Variants in HCRTR2 observed in about 807,000 individuals in gnomAD.
The protein encoded by HCRTR2 is orexin receptor type 2.
HCRTR2 carries 22 observed loss-of-function variants against 49.0 expected under a neutral mutation model. That is an observed-to-expected ratio of 0.45 (90% confidence interval 0.32 to 0.64). HCRTR2 has a LOEUF of 0.64. Among genes scored for constraint, HCRTR2 ranks in the 30% least tolerant of loss-of-function variants. HCRTR2 has a pLI of 0.04. For synonymous variants in HCRTR2, 236 were observed against 205.3 expected (o/e 1.15, Z -1.28); for missense variants, 491 against 559.4 (o/e 0.88, Z 1.23).
Position 55,132,883 on chromosome 6 carries a change from G to A in HCRTR2, c.-378+26338G>A, listed in dbSNP as rs367872942. Reference sequence around the variant, plus strand: ...TTTGGGGAAAATAATCAACCAAACAGTTTTTTACATAGACACCAGAGACCC... The same window carrying A: ...TTTGGGGAAAATAATCAACCAAACAATTTTTTACATAGACACCAGAGACCC... On this transcript the variant is annotated intron_variant, in intron 1 of 7. Transcript: ENST00000615358. Among the ~76,000 whole-genome samples the A allele has an allele frequency of 3.6e-3, 546 of 151,630 alleles. 3 individuals are homozygous for A. The highest frequency in any genetic ancestry group is 5.1e-3 in the Non-Finnish European group (346 of 67,742).
chr6:55,193,913 T>C (rs1001907114), intron 1 of HCRTR2, among the ~76,000 whole-genome samples: 2 of 152,128 alleles, frequency 1.3e-5, no homozygotes, highest in African/African-American at 2.4e-5. Flanking sequence ...TATTATCATG[T>C]CAGCAATGAA....
chr6:55,251,333 C>G (rs1386319592), intron 2 of HCRTR2, among the ~76,000 whole-genome samples: 3 of 151,874 alleles, frequency 2.0e-5, no homozygotes, highest in Non-Finnish European at 4.4e-5. Flanking sequence ...GGCAAATGCA[C>G]AAAAATCTCA....
chr6:55,144,411 A>G lies in HCRTR2; in HGVS notation c.-377-29800A>G, dbSNP rs548303202. Among the ~76,000 whole-genome samples, 38 of 151,780 alleles carry G rather than the reference A, an allele frequency of 2.5e-4. No individual in the cohort carries two copies. In the South Asian group the frequency reaches 7.5e-3, roughly 30 times the overall value. On this transcript the variant is annotated intron_variant, in intron 1 of 7. Coordinates refer to the HCRTR2 transcript ENST00000615358. ...GATCTGTTCTGCCTTTTCACCTTCC[A>G]CCATGACAGCTCTTTCTCTGTCTTC...
chr6:55,110,242 C>T (rs1163162642), intron 1 of HCRTR2, among the ~76,000 whole-genome samples: 2 of 152,048 alleles, frequency 1.3e-5, no homozygotes, highest in African/African-American at 2.4e-5. Flanking sequence ...ACACAAACCT[C>T]AAAATGCACC....
chr6:55,170,169 T>A (rs1311820078), upstream of HCRTR2, among the ~76,000 whole-genome samples: 1 of 151,504 alleles, frequency 6.6e-6, no homozygotes. Context: ...AACAGAATTA[T>A]TCTGAATGTT....
intron 1 of HCRTR2, among the ~76,000 whole-genome samples, chr6:55,197,597 T>C (rs1262058324): frequency 6.6e-6 from 1 of 152,078 alleles, no homozygotes; most frequent in Non-Finnish European, 1.5e-5. Context: ...GGCTGCTACT[T>C]ACCATAACCC....
intron 1 of HCRTR2, among the ~76,000 whole-genome samples, chr6:55,245,261 T>C (rs777445727): frequency 6.6e-6 from 1 of 151,234 alleles, no homozygotes; most frequent in Admixed American, 6.6e-5. Context: ...TTCAAATGTA[T>C]CCAGTTGTCC....
chr6:55,183,962 CTG>C (rs1420572637), intron 1 of HCRTR2, among the ~76,000 whole-genome samples: 1 of 152,046 alleles, frequency 6.6e-6, no homozygotes, highest in African/African-American at 2.4e-5. Context: ...AAGTCTCACT[CTG>C]TTGCCCAGGC....
At position 55,174,629 on chromosome 6, in the gene HCRTR2, C is replaced by T. The variant is rs752319446; in HGVS notation, c.42C>T (p.Asn14=). ...TGGAGGACTCCCCCCCTTGTCGCAA[C>T]TGGTCATCTGCTTCGGAGCTGAATG... The part of the protein sequence containing the change: ...TKLEDSPPCR[N]WSSASELNET... Residue 14 remains asparagine (N), a synonymous_variant, in exon 1 of 7, where the codon AAC becomes AAT. Coordinates refer to ENST00000370862, the MANE Select transcript of HCRTR2 (RefSeq NM_001384272.1). 4 of 1,614,096 alleles carry T rather than the reference C, an allele frequency of 2.5e-6. No homozygotes were observed. The highest frequency in any genetic ancestry group is 3.4e-6 in the Non-Finnish European group (4 of 1,180,016).
At chr6:55,272,942 G>A (rs1767002559) in intron 4 of HCRTR2, among the ~76,000 whole-genome samples, 1 of 150,892 alleles carries the variant, frequency 6.6e-6, no homozygotes, top group South Asian at 2.1e-4. Flanking sequence ...AGGGGCAGGA[G>A]GCATAGTGAG....
chr6:55,271,052 G>C (rs183634414), intron 4 of HCRTR2, among the ~76,000 whole-genome samples: 130 of 152,196 alleles, frequency 8.5e-4, no homozygotes, highest in Admixed American at 1.1e-3. Context: ...TTGACAAACT[G>C]ATCCTAATAT....
chr6:55,117,242 T>C (rs968769375), intron 1 of HCRTR2, among the ~76,000 whole-genome samples: 1 of 151,854 alleles, frequency 6.6e-6, no homozygotes, highest in East Asian at 1.9e-4. Flanking sequence ...TCAAATACCT[T>C]GCTATATTAG....
At chr6:55,172,142 G>A (rs1030194259), upstream of HCRTR2, among the ~76,000 whole-genome samples, 26 of 152,316 alleles carry the variant, frequency 1.7e-4, no homozygotes, top group Admixed American at 5.2e-4. Flanking sequence ...AATGGCTAAT[G>A]TTTTGGATAA....
At chr6:55,122,591 G>T (rs1240824423) in intron 1 of HCRTR2, among the ~76,000 whole-genome samples, 2 of 151,932 alleles carry the variant, frequency 1.3e-5, no homozygotes, top group Non-Finnish European at 2.9e-5. Flanking sequence ...GCTTTCTCTT[G>T]TGGGCATTTA....
intron 4 of HCRTR2, among the ~76,000 whole-genome samples, chr6:55,275,561 T>A (rs1284361791): frequency 1.3e-5 from 2 of 152,106 alleles, no homozygotes; most frequent in Non-Finnish European, 2.9e-5. Flanking sequence ...ACTACATTTT[T>A]TTTTTCCCGA....
rs1764433270 is a variant in HCRTR2, at chr6:55,136,348, AAACT to A, written c.-378+29810_-378+29813del. 2.0e-5 allele frequency among the ~76,000 whole-genome samples: 3 copies of A among 152,292 alleles called. No individual in the cohort carries two copies. In the South Asian group the frequency reaches 6.2e-4, roughly 32 times the overall value. The stretch of plus-strand genomic sequence containing the variant: ...CGCAGTATGATTATAATAATGAGTC[AAACT>A]AACTAATGAAAAATGGCATCCTGTT... On this transcript the variant is annotated intron_variant, in intron 1 of 7. Transcript: ENST00000615358.
rs41403545 is a variant in HCRTR2, at chr6:55,277,559, A to G, written c.942A>G (p.Ala314=). The change falls in exon 5 of 7, where the codon GCA becomes GCG. Residue 314 remains alanine (A), a synonymous_variant. Coordinates refer to ENST00000370862, the MANE Select transcript of HCRTR2 (RefSeq NM_001384272.1). ...RMLMIVLLVF[A]ICYLPISILN... Reference sequence around the variant, plus strand: ...TGATGATTGTGCTTTTGGTATTTGCAATTTGCTATCTACCAATTAGCATCC... The same window carrying G: ...TGATGATTGTGCTTTTGGTATTTGCGATTTGCTATCTACCAATTAGCATCC... 0.022 allele frequency: 35,773 copies of G among 1,613,734 alleles called. 491 individuals are homozygous for G. The highest frequency in any genetic ancestry group is 0.027 in the Non-Finnish European group (31,957 of 1,179,642).
chr6:55,196,391 A>G (rs1239815177), intron 1 of HCRTR2, among the ~76,000 whole-genome samples: 2 of 152,200 alleles, frequency 1.3e-5, no homozygotes, highest in Non-Finnish European at 2.9e-5. Context: ...CACCTGTGGG[A>G]GATAAATGAA....
chr6:55,156,219 G>T (rs906247920), intron 1 of HCRTR2, among the ~76,000 whole-genome samples: 1 of 151,818 alleles, frequency 6.6e-6, no homozygotes, highest in South Asian at 2.1e-4. Flanking sequence ...GAGACCAAGA[G>T]AAATTAAGTA....
Sources: allele counts gnomAD v4.1 joint callset (sites outside exome capture counted in the v4.1 genomes callset), GRCh38; gene constraint gnomAD v4.1.1; transcripts MANE v1.5; gene names NCBI Gene and HGNC (gene_info 2026-07-23, HGNC 2026-07-21).